The following PCDHGA1 variants were observed in gnomAD, a reference collection of about 807,000 sequenced individuals.
PCDHGA1 encodes protocadherin gamma subfamily A, 1, also known as protocadherin gamma-A1.
A neutral mutation model predicts 58.0 loss-of-function variants in PCDHGA1; 32 were observed. The ratio of observed to expected loss-of-function variants is 0.55; its 90% CI spans 0.42 to 0.74. The LOEUF (loss-of-function observed/expected upper bound fraction) is 0.74, where lower values mean the gene tolerates loss of function less well. Among genes scored for constraint, PCDHGA1 ranks in the 30% least tolerant of loss-of-function variants. The pLI, the probability that PCDHGA1 is intolerant of heterozygous loss-of-function variation, is 0.00. For missense variants in PCDHGA1, 1,205 were observed against 1,182.3 expected (o/e 1.02, Z -0.28); for synonymous variants, 498 against 501.1 (o/e 0.99, Z 0.08).
At chr5:141,376,679 T>TTTTTG in intron 1 of PCDHGA1, 5 of 528,402 alleles carry the variant, frequency 9.5e-6, no homozygotes, top group Admixed American at 9.3e-5. Context: ...GGGTATCGTT[T>TTTTTG]TTTTTTTTTT....
At chr5:141,455,160 G>GT (rs59530096) in intron 1 of PCDHGA1, among the ~76,000 whole-genome samples, 26,536 of 149,098 alleles carry the variant, frequency 0.18, 2,386 homozygotes, top group South Asian at 0.23. Flanking sequence ...TAGTTTGTTG[G>GT]TTTTTTTTTT....
At chr5:141,376,037 C>T (rs1436738898) in intron 1 of PCDHGA1, 1 of 1,613,104 alleles carries the variant, frequency 6.2e-7, no homozygotes, top group African/African-American at 1.3e-5. Flanking sequence ...CCACGGCCAG[C>T]CCCCTCTCTC....
intron 1 of PCDHGA1, chr5:141,415,644 A>G: frequency 6.2e-7 from 1 of 1,600,070 alleles, no homozygotes; most frequent in Non-Finnish European, 8.5e-7. Flanking sequence ...CTTTTGTTAA[A>G]AAAAAAAAGA....
rs747283905 is a variant in PCDHGA1, at chr5:141,491,693, G to A, written c.2422-3114G>A. On this transcript the variant is annotated intron_variant, in intron 1 of 3. Transcript: ENST00000517417. The surrounding 1 kb of genome is among the most constrained non-coding windows in gnomAD (Gnocchi z 6.9). ...TCCCGCTCTAATACGCTGCGGGAGC[G>A]GAGCCAGGTGAGGGGCTCGGCGCCG... 3.7e-5 allele frequency: 59 copies of A among 1,612,434 alleles called. No homozygotes were observed. Among genetic ancestry groups the A allele is most frequent in the Non-Finnish European group, 4.7e-5 (55 of 1,179,352 alleles).
In PCDHGA1 at chr5:141,361,747, G is replaced by A. The variant is rs960340216; in HGVS notation, c.2421+28642G>A. 35 of 1,612,978 alleles carry A rather than the reference G, an allele frequency of 2.2e-5. No homozygotes were observed. In the African/African-American group the frequency reaches 4.7e-4, roughly 22 times the overall value. ...GCTCACACTGCAGGCCCGCGACCAG[G>A]GCTCGCCCGCGCTCAGCGCCAACGT... On this transcript the variant is annotated intron_variant, in intron 1 of 3. Transcript: ENST00000517417.
At chr5:141,371,274 C>G in intron 1 of PCDHGA1, 1 of 1,613,982 alleles carries the variant, frequency 6.2e-7, no homozygotes, top group South Asian at 1.1e-5. Context: ...ACTGTTCAAG[C>G]TGGACAGTAA....
At chr5:141,360,896 A>T in intron 1 of PCDHGA1, 2 of 1,614,014 alleles carry the variant, frequency 1.2e-6, no homozygotes, top group Non-Finnish European at 1.7e-6. Context: ...CTGAGGGAGG[A>T]CGTGCCGCCG....
chr5:141,391,964 A>G (rs917564747), intron 1 of PCDHGA1: 3 of 152,232 alleles, frequency 2.0e-5, no homozygotes, highest in Non-Finnish European at 2.9e-5. Flanking sequence ...AAACAATGTA[A>G]ATAAAATAGC....
chr5:141,340,033 C>T, intron 1 of PCDHGA1: 2 of 1,614,138 alleles, frequency 1.2e-6, no homozygotes, highest in Non-Finnish European at 1.7e-6. Flanking sequence ...CTGCTACTAG[C>T]TCAGTTTCTG....
At chr5:141,352,663 T>C in intron 1 of PCDHGA1, 1 of 1,589,980 alleles carries the variant, frequency 6.3e-7, no homozygotes, top group Non-Finnish European at 8.6e-7. Flanking sequence ...CTTCTTTGTC[T>C]TCGCACGTGA....
intron 1 of PCDHGA1, chr5:141,356,663 C>G (rs1181592244): frequency 6.2e-7 from 1 of 1,614,054 alleles, no homozygotes; most frequent in Admixed American, 1.7e-5. Context: ...GCCCGAATCA[C>G]TTACTCCCTG....
intron 1 of PCDHGA1, chr5:141,440,587 A>G (rs566819394): frequency 1.3e-5 from 2 of 152,392 alleles, no homozygotes; most frequent in East Asian, 3.9e-4. Flanking sequence ...CCCAGCTGGA[A>G]CAAGATTTGC....
chr5:141,409,919 G>C (rs774277848), intron 1 of PCDHGA1: 1 of 1,613,346 alleles, frequency 6.2e-7, no homozygotes, highest in South Asian at 1.1e-5. Flanking sequence ...TGACGGCTCC[G>C]CGTTCTTCGA....
At chr5:141,427,450 C>A in intron 1 of PCDHGA1, 1 of 486,442 alleles carries the variant, frequency 2.1e-6, no homozygotes, top group Non-Finnish European at 4.0e-6. Context: ...GAAAGAGTTC[C>A]TTTTAGAATC....
At chr5:141,498,967 GGGAGGGAA>G (rs1395523211) in intron 2 of PCDHGA1, among the ~76,000 whole-genome samples, 34 of 129,670 alleles carry the variant, frequency 2.6e-4, no homozygotes, top group Admixed American at 1.5e-3. Flanking sequence ...GAGGGAGGGA[GGGAGGGAA>G]GGAAGGAAGG....
In PCDHGA1 at chr5:141,487,439, T is replaced by C. The variant is rs201458212; in HGVS notation, c.2422-7368T>C. 1 of 1,613,926 alleles carries C rather than the reference T, an allele frequency of 6.2e-7. No individual in the cohort carries two copies. Among genetic ancestry groups the C allele is most frequent in the South Asian group, 1.1e-5 (1 of 91,066 alleles). ...TGGGATCCTCCGAATCCAGCTAGGG[T>C]CAGATGACCCTATCAAGTTTGTTGA... is the stretch of plus-strand genomic sequence containing the variant. On this transcript the variant is annotated intron_variant, in intron 1 of 3. Transcript: ENST00000517417. This position sits in a 1 kb window ranked among gnomAD's most constrained non-coding sequence, Gnocchi z 5.0.
intron 2 of PCDHGA1, among the ~76,000 whole-genome samples, chr5:141,499,885 G>A (rs945162089): frequency 2.6e-5 from 4 of 151,850 alleles, no homozygotes; most frequent in Non-Finnish European, 4.4e-5. Flanking sequence ...ACAGGGTTTC[G>A]CCATGTTGGC....
chr5:141,340,004 C>T (rs1393007644), intron 1 of PCDHGA1: 1 of 1,614,078 alleles, frequency 6.2e-7, no homozygotes, highest in Non-Finnish European at 8.5e-7. Context: ...TGACAATGCC[C>T]CAGAATTTTA....
chr5:141,497,125 G>A (rs968031174), intron 2 of PCDHGA1, among the ~76,000 whole-genome samples: 1 of 152,094 alleles, frequency 6.6e-6, no homozygotes, highest in South Asian at 2.1e-4. Context: ...GGCAGAGGTT[G>A]CAGTGAGCTG....
Sources: gnomAD v4.1 joint callset for allele counts (sites outside exome capture counted in the v4.1 genomes callset) on GRCh38, gnomAD v4.1.1 for gene constraint, Gnocchi (gnomAD v3.1) non-coding constraint, MANE v1.5 for transcripts, NCBI Gene and HGNC (gene_info 2026-07-23, HGNC 2026-07-21) for gene names.